Variants in PPP2R2C observed in about 807,000 individuals in gnomAD.
PPP2R2C encodes protein phosphatase 2, regulatory subunit B, gamma.
In PPP2R2C, 10 loss-of-function variants were observed where a neutral mutation model predicts 45.3. The observed-to-expected ratio is 0.22, with a 90% confidence interval of 0.14 to 0.37. The LOEUF is 0.37. Ranked by LOEUF, PPP2R2C falls within the 10% of genes least tolerant of loss-of-function variation. PPP2R2C has a pLI of 1.00. For missense variants in PPP2R2C, 308 were observed against 619.7 expected (o/e 0.50, Z 5.34); for synonymous variants, 257 against 245.4 (o/e 1.05, Z -0.44).
At chr4:6,439,628 C>G (rs1720053451) in intron 1 of PPP2R2C, among the ~76,000 whole-genome samples, 2 of 152,188 alleles carry the variant, frequency 1.3e-5, no homozygotes, top group South Asian at 4.1e-4. Context: ...CTCTTCTCCT[C>G]TGCTCTTCTG....
At chr4:6,372,229 T>C (rs1015067498) in intron 5 of PPP2R2C, among the ~76,000 whole-genome samples, 3 of 152,238 alleles carry the variant, frequency 2.0e-5, no homozygotes, top group Non-Finnish European at 2.9e-5. Flanking sequence ...AACCCTGAAC[T>C]CTGTCTCCTT....
chr4:6,337,000 AGTCAC>A (rs1732995088), intron 6 of PPP2R2C, among the ~76,000 whole-genome samples: 1 of 102,688 alleles, frequency 9.7e-6, no homozygotes, highest in East Asian at 3.0e-4. Flanking sequence ...TCTCCCTGGG[AGTCAC>A]CTTGAGCTTC....
rs749078721 is a variant in PPP2R2C at position 6,347,970 on chromosome 4, C to T, written c.666G>A (p.Thr222=). The T allele has an allele frequency of 1.3e-4, 202 of 1,614,046 alleles. No individual in the cohort carries two copies. The highest frequency in any genetic ancestry group is 9.9e-4 in the Middle Eastern group (6 of 6,062). The change falls in exon 6 of 9, where the codon ACG becomes ACA. Residue 222 remains threonine, a synonymous_variant. Transcript: ENST00000382599. ...GGAACTCAGATGCTGTGATCACCTCCGTAAGGTCCTCCATGTTGGCCGGCT... is the reference window on the plus strand; with the variant it reads ...GGAACTCAGATGCTGTGATCACCTCTGTAAGGTCCTCCATGTTGGCCGGCT... The part of the protein sequence containing the change: ...DIKPANMEDL[T]EVITASEFHP...
rs540445842 is a variant in PPP2R2C, at chr4:6,507,427, A to G, written c.49+27844T>C. Reference sequence around the variant, plus strand: ...AGAGATGGAAGTTACTGTGTGACTTAACAGTCCGTGCAGTTTCCACTCTTG... The same window carrying G: ...AGAGATGGAAGTTACTGTGTGACTTGACAGTCCGTGCAGTTTCCACTCTTG... On this transcript the variant is annotated intron_variant, in intron 2 of 9. Transcript: ENST00000506140. 1.5e-3 allele frequency among the ~76,000 whole-genome samples: 223 copies of G among 152,346 alleles called. 3 individuals are homozygous for G. The highest frequency in any genetic ancestry group is 4.9e-3 in the African/African-American group (202 of 41,580).
rs1267881778 is a variant in PPP2R2C at position 6,330,838 on chromosome 4, C to G, written c.961-1485G>C. Among the ~76,000 whole-genome samples the G allele has an allele frequency of 6.6e-6, 1 of 152,150 alleles. No homozygotes were observed. Among genetic ancestry groups the G allele is most frequent in the Non-Finnish European group, 1.5e-5 (1 of 68,010 alleles). ...ACACAGGATGGTTAGACAAGGCTACCTGACTCCCGCCTGGGGCCCTGCTCA... is the reference window on the plus strand; with the variant it reads ...ACACAGGATGGTTAGACAAGGCTACGTGACTCCCGCCTGGGGCCCTGCTCA... On this transcript the variant is annotated intron_variant, in intron 7 of 8. Transcript: ENST00000382599. The surrounding 1 kb of genome is among the most constrained non-coding windows in gnomAD (Gnocchi z 7.0).
intron 6 of PPP2R2C, among the ~76,000 whole-genome samples, chr4:6,334,457 C>T (rs1732678325): frequency 6.6e-6 from 1 of 152,152 alleles, no homozygotes; most frequent in Admixed American, 6.5e-5. Context: ...ATGAGGACTC[C>T]CCAGACAGTG....
chr4:6,403,794 C>T (rs548062416), intron 1 of PPP2R2C, among the ~76,000 whole-genome samples: 4 of 150,288 alleles, frequency 2.7e-5, no homozygotes, highest in East Asian at 1.9e-4. Context: ...ACCTGGGAGG[C>T]GGAGGTTGCA....
chr4:6,363,405 C>T (rs1049240948), intron 5 of PPP2R2C, among the ~76,000 whole-genome samples: 13 of 151,952 alleles, frequency 8.6e-5, no homozygotes, highest in Admixed American at 5.9e-4. Context: ...GGTGAAACCC[C>T]GTCTCTACTA....
intron 1 of PPP2R2C, among the ~76,000 whole-genome samples, chr4:6,417,104 G>A (rs1391102995): frequency 2.6e-5 from 4 of 152,234 alleles, no homozygotes; most frequent in Admixed American, 1.3e-4. Flanking sequence ...GGCAGTGGCA[G>A]TGAGGTTCCG....
intron 1 of PPP2R2C, among the ~76,000 whole-genome samples, chr4:6,540,615 G>C (rs1052678144): frequency 6.6e-6 from 1 of 152,238 alleles, no homozygotes; most frequent in South Asian, 2.1e-4. Flanking sequence ...TGGGTCATGA[G>C]ATAAATCTAT....
At chr4:6,377,038 C>T (rs752511630) in intron 3 of PPP2R2C, among the ~76,000 whole-genome samples, 9 of 152,194 alleles carry the variant, frequency 5.9e-5, no homozygotes, top group Non-Finnish European at 7.4e-5. Flanking sequence ...TCAGAAAAGG[C>T]GGGCACCCAG....
At chr4:6,342,957 G>T (rs1733568891) in intron 6 of PPP2R2C, among the ~76,000 whole-genome samples, 1 of 152,224 alleles carries the variant, frequency 6.6e-6, no homozygotes, top group Middle Eastern at 3.2e-3. Flanking sequence ...GTCTGATTCT[G>T]TTAGGAAAAT....
intron 1 of PPP2R2C, among the ~76,000 whole-genome samples, chr4:6,537,757 A>G (rs906081144): frequency 1.3e-5 from 2 of 152,086 alleles, no homozygotes; most frequent in Non-Finnish European, 2.9e-5. Flanking sequence ...TCACTATGTT[A>G]GCCAGGATGG....
At chr4:6,374,087 A>G (rs1715105768) in intron 4 of PPP2R2C, among the ~76,000 whole-genome samples, 1 of 152,058 alleles carries the variant, frequency 6.6e-6, no homozygotes, top group African/African-American at 2.4e-5. Context: ...TATTTTAGCT[A>G]TGCTGCTAAC....
intron 2 of PPP2R2C, among the ~76,000 whole-genome samples, chr4:6,534,057 TATC>T (rs1475907482): frequency 1.3e-4 from 17 of 133,788 alleles, no homozygotes; most frequent in African/African-American, 4.9e-4. Flanking sequence ...CCAACACACA[TATC>T]AACACACACA....
rs989246163 is a variant in PPP2R2C at position 6,364,793 on chromosome 4, C to T, written c.625+7730G>A. On this transcript the variant is annotated intron_variant, in intron 5 of 8. Coordinates refer to ENST00000382599, the MANE Select transcript of PPP2R2C (RefSeq NM_020416.4). This position sits in a 1 kb window ranked among gnomAD's most constrained non-coding sequence, Gnocchi z 5.3. ...CCTAGACCTAAGAAGGGAGGCCAGT[C>T]AGGTCACCATCATGATCAGAGTGAG... Among the ~76,000 whole-genome samples, 2 of 152,110 alleles carry T rather than the reference C, an allele frequency of 1.3e-5. No homozygotes were observed. Among genetic ancestry groups the T allele is most frequent in the African/African-American group, 4.8e-5 (2 of 41,418 alleles).
chr4:6,509,690 C>G (rs1367342547), intron 2 of PPP2R2C, among the ~76,000 whole-genome samples: 1 of 152,208 alleles, frequency 6.6e-6, no homozygotes, highest in Non-Finnish European at 1.5e-5. Flanking sequence ...CTATGCCACC[C>G]TGAACTCACT....
chr4:6,419,605 A>T (rs1302568426), intron 1 of PPP2R2C, among the ~76,000 whole-genome samples: 3 of 152,076 alleles, frequency 2.0e-5, no homozygotes, highest in African/African-American at 7.2e-5. Context: ...CTCTTCTGGG[A>T]TGTTAGGGCC....
intron 2 of PPP2R2C, chr4:6,380,278 G>C (rs1328192621): frequency 6.6e-6 from 1 of 152,312 alleles, no homozygotes; most frequent in Non-Finnish European, 1.5e-5. Flanking sequence ...AGCAACTCCA[G>C]AATACTTAGC....
Sources: allele counts gnomAD v4.1 joint callset (sites outside exome capture counted in the v4.1 genomes callset), GRCh38; gene constraint gnomAD v4.1.1; non-coding constraint Gnocchi (gnomAD v3.1); transcripts MANE v1.5; gene names NCBI Gene and HGNC (gene_info 2026-07-23, HGNC 2026-07-21).